IL19: variants seen among roughly 807,000 people sequenced by gnomAD.
IL19 encodes interleukin-19.
A neutral mutation model predicts 19.5 loss-of-function variants in IL19; 15 were observed. The observed-to-expected ratio is 0.77, with a 90% CI of 0.52 to 1.19. The LOEUF is 1.19. IL19 is among the 50% of genes most tolerant of loss of function. The pLI is 0.00. For synonymous variants in IL19, 78 were observed against 78.3 expected (o/e 1.00, Z 0.02); for missense variants, 199 against 213.1 (o/e 0.93, Z 0.41).
chr1:206,814,718 ACACACAC>A (rs1558615968), intron 2 of IL19, among the ~76,000 whole-genome samples: 83 of 151,672 alleles, frequency 5.5e-4, no homozygotes, highest in African/African-American at 2.0e-3. Flanking sequence ...ACACACACAC[ACACACAC>A]AATTCACTTT....
intron 1 of IL19, among the ~76,000 whole-genome samples, chr1:206,773,608 G>GTGTGTA (rs1420119978): frequency 6.6e-6 from 1 of 151,318 alleles, no homozygotes; most frequent in African/African-American, 2.4e-5. Context: ...GTGTGTGTGT[G>GTGTGTA]TGTGTGTGTG....
rs538902175 is a variant in IL19 at position 206,791,053 on chromosome 1, T to A, written c.-148-7808T>A. Among the ~76,000 whole-genome samples, 4 of 152,358 alleles carry A rather than the reference T, an allele frequency of 2.6e-5. No homozygotes were observed. In the East Asian group the frequency reaches 7.7e-4, roughly 29 times the overall value. On this transcript the variant is annotated intron_variant, in intron 1 of 6. Transcript: ENST00000659997. ...GGGCTTTCCCACATCTGGTCAGTTT[T>A]ACCACCTCATTTGCTGATCAAGATA...
intron 2 of IL19, among the ~76,000 whole-genome samples, chr1:206,805,471 G>C (rs555390193): frequency 1.1e-4 from 17 of 152,290 alleles, no homozygotes; most frequent in African/African-American, 3.9e-4. Context: ...TGTGTGACTA[G>C]AGCAAGCCAT....
At chr1:206,811,937 T>C (rs530250391) in intron 2 of IL19, among the ~76,000 whole-genome samples, 2 of 152,356 alleles carry the variant, frequency 1.3e-5, no homozygotes, top group South Asian at 4.1e-4. Flanking sequence ...TATGGTGTAC[T>C]GCATACAACA....
intron 2 of IL19, among the ~76,000 whole-genome samples, chr1:206,831,451 C>G (rs532839636): frequency 6.6e-6 from 1 of 152,130 alleles, no homozygotes; most frequent in Non-Finnish European, 1.5e-5. Flanking sequence ...GGGAAAGATG[C>G]CATTCTATCT....
intron 2 of IL19, among the ~76,000 whole-genome samples, chr1:206,805,333 A>G (rs1425387031): frequency 1.3e-5 from 2 of 152,248 alleles, no homozygotes; most frequent in Admixed American, 6.5e-5. Flanking sequence ...ATAAAGACAA[A>G]GCAGGCTAAG....
chr1:206,829,558 T>C (rs1036627935), intron 2 of IL19, among the ~76,000 whole-genome samples: 8 of 152,084 alleles, frequency 5.3e-5, no homozygotes, highest in African/African-American at 1.4e-4. Context: ...GTAGGCGAAG[T>C]CCAGGCTGTG....
intron 1 of IL19, among the ~76,000 whole-genome samples, chr1:206,795,283 C>T (rs1392860597): frequency 6.6e-6 from 1 of 152,210 alleles, no homozygotes; most frequent in Non-Finnish European, 1.5e-5. Context: ...ACCAAGCCCA[C>T]CTTCTTGAAC....
chr1:206,824,915 CT>C (rs1403068350), intron 2 of IL19, among the ~76,000 whole-genome samples: 1 of 152,168 alleles, frequency 6.6e-6, no homozygotes, highest in Admixed American at 6.5e-5. Flanking sequence ...TCACCACACC[CT>C]GCTAATTTTC....
chr1:206,778,858 A>G (rs909919169), intron 1 of IL19, among the ~76,000 whole-genome samples: 7 of 152,128 alleles, frequency 4.6e-5, no homozygotes, highest in Non-Finnish European at 1.0e-4. Context: ...CAGAACCTCC[A>G]CATTTTTCTT....
intron 2 of IL19, among the ~76,000 whole-genome samples, chr1:206,799,457 G>A (rs1227897454): frequency 1.3e-5 from 2 of 152,306 alleles, no homozygotes; most frequent in East Asian, 3.9e-4. Flanking sequence ...AGAGGGACTG[G>A]AACCAGGAGC....
intron 2 of IL19, among the ~76,000 whole-genome samples, chr1:206,800,657 C>T (rs1458979906): frequency 6.6e-6 from 1 of 152,194 alleles, no homozygotes; most frequent in Non-Finnish European, 1.5e-5. Context: ...TGATCAAGCC[C>T]TTCCAGATGA....
chr1:206,774,763 G>A (rs1674950234), intron 1 of IL19, among the ~76,000 whole-genome samples: 1 of 152,122 alleles, frequency 6.6e-6, no homozygotes, highest in African/African-American at 2.4e-5. Flanking sequence ...CTGGCCCTTG[G>A]AAGGTATCAG....
At chr1:206,800,235 G>A (rs1200922325) in intron 2 of IL19, among the ~76,000 whole-genome samples, 1 of 152,222 alleles carries the variant, frequency 6.6e-6, no homozygotes, top group Non-Finnish European at 1.5e-5. Context: ...CAGTGTAGTG[G>A]TGAAGACCAT....
chr1:206,772,194 G>T, intron 1 of IL19: 1 of 1,314,154 alleles, frequency 7.6e-7, no homozygotes, highest in Non-Finnish European at 1.1e-6. Context: ...CAGGAGGAGG[G>T]TTCTTATAGT....
chr1:206,804,343 G>A (rs1432377413), intron 2 of IL19, among the ~76,000 whole-genome samples: 1 of 152,218 alleles, frequency 6.6e-6, no homozygotes, highest in Admixed American at 6.5e-5. Context: ...TTCCAACACA[G>A]ACATTCCCTG....
At chr1:206,787,976 G>A (rs920363115) in intron 1 of IL19, among the ~76,000 whole-genome samples, 2 of 152,266 alleles carry the variant, frequency 1.3e-5, no homozygotes, top group South Asian at 2.1e-4. Flanking sequence ...ATGGGAATCC[G>A]TGTTTTTCAG....
intron 1 of IL19, among the ~76,000 whole-genome samples, chr1:206,779,110 C>T (rs1675072502): frequency 6.6e-6 from 1 of 152,218 alleles, no homozygotes; most frequent in South Asian, 2.1e-4. Flanking sequence ...AATCTAAGCC[C>T]AGGGCATAAA....
chr1:206,783,877 G>A (rs933382971), intron 1 of IL19, among the ~76,000 whole-genome samples: 3 of 152,192 alleles, frequency 2.0e-5, no homozygotes, highest in Admixed American at 1.3e-4. Context: ...TGGTGCTGTC[G>A]TAGTGTTGCA....
Sources: gnomAD v4.1 joint callset for allele counts (sites outside exome capture counted in the v4.1 genomes callset) on GRCh38, gnomAD v4.1.1 for gene constraint, MANE v1.5 for transcripts, NCBI Gene and HGNC (gene_info 2026-07-23, HGNC 2026-07-21) for gene names.